PLAC9: variants seen among roughly 807,000 people sequenced by gnomAD.
PLAC9 encodes placenta associated 9.
PLAC9 carries 12 observed loss-of-function variants against 11.5 expected under a neutral mutation model. The observed-to-expected ratio is 1.05, with a 90% CI of 0.67 to 1.69. The LOEUF (loss-of-function observed/expected upper bound fraction) is 1.69. Ranked by LOEUF, PLAC9 falls within the 40% of genes most tolerant of loss-of-function variation. The probability of loss-of-function intolerance (pLI) is 0.00; values close to 1 mark genes in which losing one functional copy is unlikely to be tolerated. For synonymous variants in PLAC9, 62 were observed against 58.1 expected, an observed-to-expected ratio of 1.07 and a Z score of -0.31; for missense variants, 132 against 130.5, an observed-to-expected ratio of 1.01 and a Z score of -0.06.
chr10:80,135,406 A>G (rs1341723265), intron 1 of PLAC9, among the ~76,000 whole-genome samples: 1 of 143,398 alleles, frequency 7.0e-6, no homozygotes, highest in Non-Finnish European at 1.5e-5. Flanking sequence ...GCTCATCACA[A>G]CCTCTGCCTC....
At chr10:80,141,444 C>G (rs144849151) in intron 1 of PLAC9, among the ~76,000 whole-genome samples, 1,618 of 152,088 alleles carry the variant, frequency 0.011, 28 homozygotes, top group African/African-American at 0.037. Context: ...GCTAAAAATA[C>G]AAAAATTAGC....
chr10:80,145,022 A>C lies in PLAC9; in HGVS notation c.*112A>C, dbSNP rs774566246. 1 of 1,343,210 alleles carries C rather than the reference A, an allele frequency of 7.4e-7. No homozygotes were observed. The highest frequency in any genetic ancestry group is 1.4e-5 in the African/African-American group (1 of 69,006). The allele number at this position is 1,343,210 out of a possible 1,614,324, so 83.2% of individuals were successfully genotyped here. On this transcript the variant is annotated 3_prime_UTR_variant, in exon 4 of 4. Coordinates refer to ENST00000372263, the MANE Select transcript of PLAC9 (RefSeq NM_001012973.3). The stretch of plus-strand genomic sequence containing the variant: ...CTTAGCTTCATGTGAAATAAAAGCT[A>C]TTCTGGTCTCCTCTGTGTCTGCTGA...
intron 1 of PLAC9, among the ~76,000 whole-genome samples, chr10:80,137,046 G>A (rs536107162): frequency 2.0e-5 from 3 of 152,214 alleles, no homozygotes; most frequent in African/African-American, 7.2e-5. Context: ...TCAAGTCAGC[G>A]CTGTGGTGAG....
intron 1 of PLAC9, among the ~76,000 whole-genome samples, chr10:80,141,192 C>T (rs534821648): frequency 6.6e-6 from 1 of 152,316 alleles, no homozygotes; most frequent in African/African-American, 2.4e-5. Flanking sequence ...ACTTCTCCTT[C>T]ACCCCTCTTA....
upstream of PLAC9, chr10:80,132,711 G>C (rs1844926102): frequency 3.8e-5 from 53 of 1,408,856 alleles, no homozygotes; most frequent in Non-Finnish European, 4.6e-5. Flanking sequence ...GGTGCGATCC[G>C]GGAAGGGCGG....
At chr10:80,136,479 T>G (rs1368903615) in intron 1 of PLAC9, among the ~76,000 whole-genome samples, 1 of 152,118 alleles carries the variant, frequency 6.6e-6, no homozygotes, top group Non-Finnish European at 1.5e-5. Context: ...TTCATTTATT[T>G]ATTTTCTTAC....
At chr10:80,141,711 GTCTC>G (rs941610429) in intron 1 of PLAC9, among the ~76,000 whole-genome samples, 1 of 152,120 alleles carries the variant, frequency 6.6e-6, no homozygotes, top group Admixed American at 6.5e-5. Context: ...TCCCTCTCCA[GTCTC>G]TCTCTCCCGC....
intron 3 of PLAC9, 48 bp downstream of exon 3, chr10:80,144,391 G>A: frequency 5.2e-6 from 8 of 1,533,452 alleles, no homozygotes; most frequent in Non-Finnish European, 6.1e-6. Flanking sequence ...GCTGTCATCT[G>A]GCGCTGGGCA....
chr10:80,145,109 C>G lies in PLAC9; in HGVS notation c.*199C>G. 1.4e-6 allele frequency: 1 copy of G among 736,070 alleles called. No homozygotes were observed. Among genetic ancestry groups the G allele is most frequent in the Admixed American group, 2.1e-5 (1 of 47,222 alleles). The allele number at this position is 736,070 out of a possible 1,614,324, so 45.6% of individuals were successfully genotyped here. ...CACTTCCATGCCTGGAGGAAGCCTG[C>G]AACCCCCTCCAGGCTCAGACCTGGG... On this transcript the variant is annotated 3_prime_UTR_variant, in exon 4 of 4. Transcript: ENST00000372263.
At chr10:80,138,909 C>T (rs7070596) in intron 1 of PLAC9, among the ~76,000 whole-genome samples, 10 of 151,286 alleles carry the variant, frequency 6.6e-5, no homozygotes, top group African/African-American at 2.5e-4. Context: ...TATTGTCACT[C>T]TCTGAAGCTG....
rs187300079 is a variant in PLAC9, at chr10:80,140,633, G to A, written c.65-1449G>A. Reference sequence around the variant, plus strand: ...GTTACCAACTCTGAAACCCAAGCTCGGCATCAGGGCTCTGAGACTTCTGCT... The same window carrying A: ...GTTACCAACTCTGAAACCCAAGCTCAGCATCAGGGCTCTGAGACTTCTGCT... On this transcript the variant is annotated intron_variant, in intron 1 of 3. Coordinates refer to ENST00000372263, the MANE Select transcript of PLAC9 (RefSeq NM_001012973.3). Among the ~76,000 whole-genome samples, 5 of 152,200 alleles carry A rather than the reference G, an allele frequency of 3.3e-5. No homozygotes were observed. In the East Asian group the frequency reaches 7.7e-4, roughly 24 times the overall value.
At chr10:80,133,510 G>A (rs1050453054) in intron 1 of PLAC9, among the ~76,000 whole-genome samples, 1 of 152,230 alleles carries the variant, frequency 6.6e-6, no homozygotes, top group Non-Finnish European at 1.5e-5. Context: ...CCTGCCAGGT[G>A]GCCTCAGGTG....
chr10:80,134,846 TTTTTTG>T (rs1021001720), intron 1 of PLAC9, among the ~76,000 whole-genome samples: 1 of 38,288 alleles, frequency 2.6e-5, no homozygotes, highest in Non-Finnish European at 9.0e-5. Context: ...TTTTACTTAA[TTTTTTG>T]TTTTTGTTGA....
intron 1 of PLAC9, among the ~76,000 whole-genome samples, chr10:80,135,850 T>C (rs1222638505): frequency 1.3e-5 from 2 of 152,246 alleles, no homozygotes; most frequent in Non-Finnish European, 2.9e-5. Flanking sequence ...GGTAAATTTA[T>C]TATTCTATTA....
chr10:80,139,126 G>A (rs1845011040), intron 1 of PLAC9, among the ~76,000 whole-genome samples: 1 of 151,840 alleles, frequency 6.6e-6, no homozygotes. Context: ...TAATTTTTTT[G>A]TATTTTTAGT....
intron 3 of PLAC9, 102 bp from the exon 4 acceptor site, chr10:80,144,797 TC>T (rs1845082831): frequency 8.1e-7 from 1 of 1,229,568 alleles, no homozygotes; most frequent in East Asian, 2.6e-5. Flanking sequence ...GCGCAGTAGT[TC>T]CTGGGGGCCG....
chr10:80,138,828 C>T (rs750846254), intron 1 of PLAC9, among the ~76,000 whole-genome samples: 4 of 152,174 alleles, frequency 2.6e-5, no homozygotes, highest in Non-Finnish European at 4.4e-5. Context: ...AAGCATTGCA[C>T]GTAGAGAGAT....
Position 80,144,906 on chromosome 10 carries a change from T to C in PLAC9, c.290T>C (p.Phe97Ser). 6.3e-7 allele frequency: 1 copy of C among 1,576,828 alleles called. No individual in the cohort carries two copies. The highest frequency in any genetic ancestry group is 8.6e-7 in the Non-Finnish European group (1 of 1,160,722). The change falls in exon 4 of 4, where the codon TTC becomes TCC. Residue 97 changes from phenylalanine (F) to serine (S), a missense_variant. Physicochemically the swap from Phe to Ser is radical, Grantham distance 155. Transcript: ENST00000372263. ...GGCCTCTGCTTTCTTTCAGATGGCTTCTGAGCCCTGGAGCTGGAGCCCAGC... is the reference window on the plus strand; with the variant it reads ...GGCCTCTGCTTTCTTTCAGATGGCTCCTGAGCCCTGGAGCTGGAGCCCAGC... The part of the protein sequence containing the change: ...SPAPDLLGDG[F>S]
chr10:80,141,656 G>C (rs1845041216), intron 1 of PLAC9, among the ~76,000 whole-genome samples: 1 of 152,018 alleles, frequency 6.6e-6, no homozygotes, highest in African/African-American at 2.4e-5. Context: ...GTTTATTAAA[G>C]CCCCTGGGTT....
Sources: gnomAD v4.1 joint callset for allele counts (sites outside exome capture counted in the v4.1 genomes callset) on GRCh38, gnomAD v4.1.1 for gene constraint, MANE v1.5 for transcripts, NCBI Gene and HGNC (gene_info 2026-07-23, HGNC 2026-07-21) for gene names.